GPC5: variants seen among roughly 807,000 people sequenced by gnomAD.
GPC5 encodes glypican 5, also known as glypican-5.
GPC5 carries 47 observed loss-of-function variants against 53.9 expected under a neutral mutation model. That is an observed-to-expected ratio of 0.87 (90% confidence interval 0.69 to 1.11). The LOEUF is 1.11. GPC5 is among the 50% of genes most tolerant of loss of function. GPC5 has a pLI of 0.00. For missense variants in GPC5, 748 were observed against 713.1 expected, an observed-to-expected ratio of 1.05 and a Z score of -0.56; for synonymous variants, 286 against 263.3, an observed-to-expected ratio of 1.09 and a Z score of -0.84.
intron 7 of GPC5, among the ~76,000 whole-genome samples, chr13:92,558,811 A>G (rs1269169229): frequency 6.6e-6 from 1 of 151,980 alleles, no homozygotes; most frequent in Non-Finnish European, 1.5e-5. Flanking sequence ...ACCTGAATAA[A>G]TATTGATATC....
At chr13:91,469,290 G>A (rs1053807877) in intron 2 of GPC5, among the ~76,000 whole-genome samples, 5 of 152,014 alleles carry the variant, frequency 3.3e-5, no homozygotes, top group Non-Finnish European at 7.4e-5. Flanking sequence ...TGTATTTTTG[G>A]TAGAGATGGG....
intron 6 of GPC5, among the ~76,000 whole-genome samples, chr13:92,090,497 A>G (rs2041371369): frequency 6.6e-6 from 1 of 152,162 alleles, no homozygotes; most frequent in African/African-American, 2.4e-5. Flanking sequence ...ATGAATCAAG[A>G]AGCAGGTCCT....
intron 1 of GPC5, among the ~76,000 whole-genome samples, chr13:91,445,189 A>G (rs903199154): frequency 6.6e-6 from 1 of 152,158 alleles, no homozygotes; most frequent in African/African-American, 2.4e-5. Flanking sequence ...TTTTCACTTA[A>G]GCGAAGCACT....
At chr13:92,659,825 G>A (rs1886276157) in intron 7 of GPC5, among the ~76,000 whole-genome samples, 1 of 152,134 alleles carries the variant, frequency 6.6e-6, no homozygotes, top group African/African-American at 2.4e-5. Context: ...TAGCTGATCT[G>A]GGATATGAGA....
chr13:92,225,750 C>CA (rs201994551), intron 7 of GPC5, among the ~76,000 whole-genome samples: 111 of 146,962 alleles, frequency 7.6e-4, no homozygotes, highest in Middle Eastern at 3.4e-3. Flanking sequence ...TAAATTCTTC[C>CA]AAAAAAAAAA....
intron 2 of GPC5, among the ~76,000 whole-genome samples, chr13:91,657,387 G>A (rs2034872056): frequency 6.6e-6 from 1 of 152,128 alleles, no homozygotes; most frequent in Non-Finnish European, 1.5e-5. Context: ...AGATTAGCCA[G>A]TAGATCTCAA....
In GPC5 at chr13:91,399,355, G is replaced by A. The variant is rs1425589338; in HGVS notation, c.163+146G>A. 5 of 998,650 alleles carry A rather than the reference G, an allele frequency of 5.0e-6. No homozygotes were observed. In the Admixed American group the frequency reaches 1.4e-4, roughly 28 times the overall value. The allele number at this position is 998,650 out of a possible 1,614,324, so 61.9% of individuals were successfully genotyped here. A position where few individuals can be genotyped will look rare whatever the true frequency, so the allele number is the denominator to read the frequency against. ...GAATCCCGGGGAGGCTTCCGGGGAT[G>A]CTTGGTGCGGGTAGCCTGAGTGCAG... is the stretch of plus-strand genomic sequence containing the variant. On this transcript the variant is annotated intron_variant, in intron 1 of 7. Coordinates refer to ENST00000377067, the MANE Select transcript of GPC5 (RefSeq NM_004466.6).
At chr13:92,350,369 G>C (rs565319064) in intron 7 of GPC5, among the ~76,000 whole-genome samples, 1 of 152,162 alleles carries the variant, frequency 6.6e-6, no homozygotes, top group African/African-American at 2.4e-5. Context: ...ACATAGTATT[G>C]AAAGTCCTTA....
intron 6 of GPC5, among the ~76,000 whole-genome samples, chr13:92,086,685 G>T (rs1264065758): frequency 1.3e-5 from 2 of 150,624 alleles, no homozygotes; most frequent in Admixed American, 1.3e-4. Flanking sequence ...TTGAGATGGA[G>T]TCTTGCTCTG....
At chr13:91,399,263 C>A in intron 1 of GPC5, 54 bp downstream of exon 1, 2 of 1,563,548 alleles carry the variant, frequency 1.3e-6, no homozygotes, top group East Asian at 4.6e-5. Flanking sequence ...CCGGCCTTCG[C>A]TCCCCCAGGC....
At chr13:91,617,640 C>A (rs1465841310) in intron 2 of GPC5, among the ~76,000 whole-genome samples, 1 of 152,052 alleles carries the variant, frequency 6.6e-6, no homozygotes. Flanking sequence ...CCCTCTCTCC[C>A]TCCCTCCTTT....
At chr13:92,568,539 A>G (rs1353491908) in intron 7 of GPC5, among the ~76,000 whole-genome samples, 2 of 152,176 alleles carry the variant, frequency 1.3e-5, no homozygotes, top group Non-Finnish European at 2.9e-5. Flanking sequence ...ATTCTCATTT[A>G]GGTTTCTAAG....
intron 7 of GPC5, among the ~76,000 whole-genome samples, chr13:92,839,633 A>T (rs1878351658): frequency 1.3e-5 from 2 of 152,094 alleles, no homozygotes; most frequent in Admixed American, 1.3e-4. Flanking sequence ...GGACAGGATT[A>T]TGTTATTTTT....
chr13:92,034,745 T>A (rs1042746759), intron 6 of GPC5, among the ~76,000 whole-genome samples: 2 of 152,102 alleles, frequency 1.3e-5, no homozygotes, highest in African/African-American at 4.8e-5. Context: ...AAAGAAAAAA[T>A]TCATATAATG....
intron 7 of GPC5, among the ~76,000 whole-genome samples, chr13:92,839,063 G>C (rs1296602137): frequency 1.3e-5 from 2 of 152,224 alleles, no homozygotes; most frequent in East Asian, 3.9e-4. Flanking sequence ...CACTTGGCAA[G>C]TGCCATTCAA....
intron 2 of GPC5, among the ~76,000 whole-genome samples, chr13:91,606,413 T>C (rs950876335): frequency 6.6e-6 from 1 of 151,198 alleles, no homozygotes; most frequent in African/African-American, 2.4e-5. Context: ...GGTCTAAAAT[T>C]CTCTTTTATT....
chr13:92,844,516 G>A (rs890044975), intron 7 of GPC5, among the ~76,000 whole-genome samples: 1 of 150,836 alleles, frequency 6.6e-6, no homozygotes, highest in East Asian at 2.1e-4. Flanking sequence ...TTTGCATTTT[G>A]TGGTACTTTT....
intron 6 of GPC5, among the ~76,000 whole-genome samples, chr13:92,042,378 A>C (rs1339339470): frequency 2.0e-5 from 3 of 152,132 alleles, no homozygotes; most frequent in Non-Finnish European, 4.4e-5. Context: ...TCCAACCGCA[A>C]AGGATAAAAA....
chr13:92,062,790 AT>A (rs1207772324), intron 6 of GPC5, among the ~76,000 whole-genome samples: 12 of 152,130 alleles, frequency 7.9e-5, no homozygotes, highest in African/African-American at 2.2e-4. Flanking sequence ...TCCAAGGAAA[AT>A]TAAAATATTT....
Sources: gnomAD v4.1 joint callset for allele counts (sites outside exome capture counted in the v4.1 genomes callset) on GRCh38, gnomAD v4.1.1 for gene constraint, MANE v1.5 for transcripts, NCBI Gene and HGNC (gene_info 2026-07-23, HGNC 2026-07-21) for gene names.